Variants in ARHGEF7 observed in about 807,000 individuals in gnomAD.
The protein encoded by ARHGEF7 is PAK-interacting exchange factor beta.
A neutral mutation model predicts 109.8 loss-of-function variants in ARHGEF7; 33 were observed. The observed-to-expected ratio is 0.30, with a 90% CI of 0.23 to 0.40. ARHGEF7 has a LOEUF of 0.40. Among genes scored for constraint, ARHGEF7 ranks in the 10% least tolerant of loss-of-function variants. ARHGEF7 has a pLI of 1.00. For missense variants in ARHGEF7, 938 were observed against 1,098.5 expected (o/e 0.85, Z 2.07); for synonymous variants, 458 against 424.6 (o/e 1.08, Z -0.97).
chr13:111,244,141 GAGA>G (rs1320882127), intron 7 of ARHGEF7, 55 bp from the exon 8 acceptor site: 5 of 1,379,282 alleles, frequency 3.6e-6, no homozygotes, highest in Non-Finnish European at 4.0e-6. Context: ...GATGGCAAAG[GAGA>G]AGAATATAAA....
chr13:111,269,419 C>G (rs2091953294), intron 9 of ARHGEF7, among the ~76,000 whole-genome samples: 1 of 152,216 alleles, frequency 6.6e-6, no homozygotes, highest in African/African-American at 2.4e-5. Flanking sequence ...CGAAGCCATT[C>G]AAGAGCAGTG....
At chr13:111,197,392 C>T (rs533293200) in intron 2 of ARHGEF7, among the ~76,000 whole-genome samples, 14 of 152,310 alleles carry the variant, frequency 9.2e-5, no homozygotes, top group Non-Finnish European at 1.6e-4. Flanking sequence ...TCTCGTAAAA[C>T]CTGCACCTTG....
intron 2 of ARHGEF7, among the ~76,000 whole-genome samples, chr13:111,200,397 C>G (rs995560630): frequency 6.6e-6 from 1 of 151,836 alleles, no homozygotes; most frequent in Non-Finnish European, 1.5e-5. Flanking sequence ...ACCTTTCTCT[C>G]GTTTTCTGTT....
At chr13:111,219,101 T>G (rs149321290) in intron 5 of ARHGEF7, among the ~76,000 whole-genome samples, 2 of 152,190 alleles carry the variant, frequency 1.3e-5, no homozygotes, top group Admixed American at 1.3e-4. Flanking sequence ...CACAGTTTTA[T>G]AACCATCACC....
chr13:111,196,118 G>A (rs1214818627), intron 2 of ARHGEF7, among the ~76,000 whole-genome samples: 7 of 152,174 alleles, frequency 4.6e-5, no homozygotes, highest in Admixed American at 1.3e-4. Flanking sequence ...GTAGCCAGTC[G>A]AGGAAGGCAG....
At chr13:111,207,139 G>A (rs2081989497) in intron 3 of ARHGEF7, among the ~76,000 whole-genome samples, 1 of 152,144 alleles carries the variant, frequency 6.6e-6, no homozygotes, top group South Asian at 2.1e-4. Context: ...GAATCTGCCT[G>A]CAAACTCATA....
At chr13:111,277,996 T>C (rs1449345994) in intron 13 of ARHGEF7, among the ~76,000 whole-genome samples, 1 of 152,266 alleles carries the variant, frequency 6.6e-6, no homozygotes, top group Non-Finnish European at 1.5e-5. Context: ...TATGGTTTTA[T>C]TCTGTGAAAT....
intron 2 of ARHGEF7, among the ~76,000 whole-genome samples, chr13:111,197,870 C>T (rs2080726624): frequency 1.3e-5 from 2 of 152,102 alleles, no homozygotes; most frequent in Admixed American, 6.5e-5. Context: ...CAGGACTAGC[C>T]TCAGAGAAGA....
chr13:111,221,151 A>C (rs1367331072), intron 5 of ARHGEF7, among the ~76,000 whole-genome samples: 3 of 95,162 alleles, frequency 3.2e-5, no homozygotes, highest in Non-Finnish European at 6.1e-5. Flanking sequence ...ATATATATAG[A>C]TATATATGTC....
intron 2 of ARHGEF7, among the ~76,000 whole-genome samples, chr13:111,189,104 A>G (rs996429879): frequency 5.3e-5 from 8 of 152,224 alleles, no homozygotes; most frequent in African/African-American, 7.2e-5. Context: ...TCATTTAAGG[A>G]AAAAGGATAG....
chr13:111,193,830 C>T (rs2080182571), intron 2 of ARHGEF7, among the ~76,000 whole-genome samples: 1 of 152,214 alleles, frequency 6.6e-6, no homozygotes, highest in Admixed American at 6.5e-5. Context: ...CAGCATAAGT[C>T]TGGACTATAA....
At chr13:111,245,104 T>C (rs1023196362) in intron 8 of ARHGEF7, among the ~76,000 whole-genome samples, 1 of 152,126 alleles carries the variant, frequency 6.6e-6, no homozygotes, top group African/African-American at 2.4e-5. Context: ...TGGAGAAGAA[T>C]TGGGCCCTTC....
At position 111,207,899 on chromosome 13, in the gene ARHGEF7, A is replaced by G. The variant is rs2082077839; in HGVS notation, c.338-1973A>G. Among the ~76,000 whole-genome samples, 4 of 152,348 alleles carry G rather than the reference A, an allele frequency of 2.6e-5. No individual in the cohort carries two copies. The South Asian group carries it at 8.3e-4, about 32-fold the overall frequency. Reference sequence around the variant, plus strand: ...AAAATAGATAGCTTTGTTCTTTACAAAGACAAATTTGGAAGTTACCACATA... The same window carrying G: ...AAAATAGATAGCTTTGTTCTTTACAGAGACAAATTTGGAAGTTACCACATA... On this transcript the variant is annotated intron_variant, in intron 3 of 21. Coordinates refer to ENST00000646102, the MANE Select transcript of ARHGEF7 (RefSeq NM_001354046.2).
intron 4 of ARHGEF7, among the ~76,000 whole-genome samples, chr13:111,213,750 T>G (rs1156784036): frequency 6.6e-6 from 1 of 152,134 alleles, no homozygotes; most frequent in Non-Finnish European, 1.5e-5. Context: ...CCCACAATGA[T>G]AAAATAGTGA....
intron 2 of ARHGEF7, among the ~76,000 whole-genome samples, chr13:111,194,491 G>A (rs991356758): frequency 9.9e-5 from 15 of 152,176 alleles, no homozygotes; most frequent in Non-Finnish European, 7.3e-5. Context: ...AGTATAGGCC[G>A]TACTCATTCC....
chr13:111,238,593 A>G (rs781113063), intron 6 of ARHGEF7, among the ~76,000 whole-genome samples: 3 of 152,190 alleles, frequency 2.0e-5, no homozygotes, highest in Non-Finnish European at 2.9e-5. Context: ...TTGTGACCTG[A>G]TGTGCCCGAG....
At chr13:111,197,080 T>A (rs1438018167) in intron 2 of ARHGEF7, among the ~76,000 whole-genome samples, 1 of 152,070 alleles carries the variant, frequency 6.6e-6, no homozygotes, top group African/African-American at 2.4e-5. Flanking sequence ...CCACCTGCAG[T>A]TTTGGTTTGT....
At chr13:111,209,673 G>C (rs2082272777) in intron 3 of ARHGEF7, among the ~76,000 whole-genome samples, 199 bp from the exon 4 acceptor site, 2 of 152,200 alleles carry the variant, frequency 1.3e-5, no homozygotes, top group Admixed American at 6.5e-5. Flanking sequence ...ATAATTTCTG[G>C]AAAGGTAGTT....
intron 2 of ARHGEF7, among the ~76,000 whole-genome samples, chr13:111,175,494 G>A (rs757040766): frequency 6.6e-6 from 1 of 152,158 alleles, no homozygotes; most frequent in Non-Finnish European, 1.5e-5. Context: ...AGAGTGCCTG[G>A]GCAAAGGCTC....
Sources: gnomAD v4.1 joint callset for allele counts (sites outside exome capture counted in the v4.1 genomes callset) on GRCh38, gnomAD v4.1.1 for gene constraint, MANE v1.5 for transcripts, NCBI Gene and HGNC (gene_info 2026-07-23, HGNC 2026-07-21) for gene names.